Variants in PPP1R42 observed in about 807,000 individuals in gnomAD.
PPP1R42 encodes the protein leucine rich repeat containing 67.
A neutral mutation model predicts 31.0 loss-of-function variants in PPP1R42; 34 were observed. The observed-to-expected ratio is 1.10, with a 90% CI of 0.83 to 1.46. PPP1R42 has a LOEUF of 1.46. Ranked by LOEUF, PPP1R42 falls within the 40% of genes most tolerant of loss-of-function variation. The probability of loss-of-function intolerance (pLI) is 0.00; values close to 1 mark genes in which losing one functional copy is unlikely to be tolerated. For missense variants in PPP1R42, 268 were observed against 303.0 expected (o/e 0.88, Z 0.86); for synonymous variants, 103 against 109.8 (o/e 0.94, Z 0.39).
At chr8:66,985,371 A>G (rs1814977825) in intron 6 of PPP1R42, 1 of 754,424 alleles carries the variant, frequency 1.3e-6, no homozygotes, top group Non-Finnish European at 2.4e-6. Flanking sequence ...AAGAGGGAAC[A>G]GCACGAATAT....
At chr8:67,013,569 A>G (rs1405309450) in intron 3 of PPP1R42, among the ~76,000 whole-genome samples, 1 of 152,046 alleles carries the variant, frequency 6.6e-6, no homozygotes, top group Non-Finnish European at 1.5e-5. Context: ...TAAATAAGCA[A>G]GCCAGTCAGT....
intron 5 of PPP1R42, among the ~76,000 whole-genome samples, chr8:67,010,350 G>C (rs1815806435): frequency 6.6e-6 from 1 of 152,188 alleles, no homozygotes; most frequent in Non-Finnish European, 1.5e-5. Flanking sequence ...CCAAGAGAGA[G>C]TTCAGGTCTA....
intron 5 of PPP1R42, among the ~76,000 whole-genome samples, chr8:67,006,795 G>A (rs1815696689): frequency 7.3e-6 from 1 of 136,584 alleles, no homozygotes; most frequent in South Asian, 2.3e-4. Flanking sequence ...CGTCCAGGCT[G>A]GAATGCAGTG....
intron 6 of PPP1R42, chr8:66,984,046 A>G (rs1453159052): frequency 2.3e-6 from 3 of 1,289,794 alleles, no homozygotes; most frequent in African/African-American, 2.9e-5. Flanking sequence ...CTGAGATCAT[A>G]CAAGTGGGAG....
At chr8:66,986,188 T>A (rs1457128014) in intron 6 of PPP1R42, 15 of 589,430 alleles carry the variant, frequency 2.5e-5, no homozygotes, top group Non-Finnish European at 4.8e-5. Context: ...CTCACCCACC[T>A]TGGAGCCTCC....
intron 2 of PPP1R42, among the ~76,000 whole-genome samples, chr8:67,016,474 C>T (rs1013715656): frequency 4.6e-5 from 7 of 152,114 alleles, no homozygotes; most frequent in African/African-American, 1.7e-4. Context: ...CAAGAATTAC[C>T]TTAGTGCTGA....
intron 7 of PPP1R42, among the ~76,000 whole-genome samples, chr8:66,975,180 C>T (rs1814634698): frequency 6.6e-6 from 1 of 152,164 alleles, no homozygotes; most frequent in South Asian, 2.1e-4. Context: ...GCAGACATTG[C>T]AGAAGATGTC....
chr8:67,006,739 CTT>C (rs1183630078), intron 5 of PPP1R42, among the ~76,000 whole-genome samples: 47 of 70,528 alleles, frequency 6.7e-4, no homozygotes, highest in African/African-American at 2.8e-3. Context: ...AGGGTAGAGG[CTT>C]TTTTTTTTTT....
At chr8:66,981,235 G>A (rs191123947) in intron 7 of PPP1R42, among the ~76,000 whole-genome samples, 1 of 152,050 alleles carries the variant, frequency 6.6e-6, no homozygotes, top group African/African-American at 2.4e-5. Flanking sequence ...AAGGGAGGTT[G>A]GTATGTCGTT....
In PPP1R42 at chr8:66,970,885, G is replaced by A. The variant is rs780514117; in HGVS notation, c.803-6551C>T. On this transcript the variant is annotated intron_variant, in intron 7 of 7. Transcript: ENST00000685739. The stretch of plus-strand genomic sequence containing the variant: ...AAGGATTGAGAACAAAGAACTAGGA[G>A]ACAGATTGGATGGCCTCTGTTCCTC... 5.9e-4 allele frequency: 529 copies of A among 902,924 alleles called. 4 individuals are homozygous for A. Among genetic ancestry groups the A allele is most frequent in the Middle Eastern group, 4.2e-4 (2 of 4,712 alleles). The allele number at this position is 902,924 out of a possible 1,614,324, so 55.9% of individuals were successfully genotyped here.
chr8:66,992,480 C>T (rs913789731), intron 5 of PPP1R42, among the ~76,000 whole-genome samples: 3 of 152,110 alleles, frequency 2.0e-5, no homozygotes, highest in Non-Finnish European at 2.9e-5. Context: ...GCTGTAAGAA[C>T]ATCTATGCAG....
rs576725901 is a variant in PPP1R42, at chr8:66,978,602, G to A, written c.802+3447C>T. ...CTGGCTAACTTTTGTATTGTCAGTA[G>A]AGACAGGGTTTCACCATGTTGGCCA... On this transcript the variant is annotated intron_variant, in intron 7 of 7. Coordinates refer to ENST00000685739, the MANE Select transcript of PPP1R42 (RefSeq NM_001364910.1). Among the ~76,000 whole-genome samples, 11 of 152,276 alleles carry A rather than the reference G, an allele frequency of 7.2e-5. 1 individual carries two copies. The highest frequency in any genetic ancestry group is 2.2e-4 in the African/African-American group (9 of 41,568).
intron 2 of PPP1R42, among the ~76,000 whole-genome samples, chr8:67,016,269 A>G (rs1198816324): frequency 6.6e-6 from 1 of 152,222 alleles, no homozygotes; most frequent in Non-Finnish European, 1.5e-5. Flanking sequence ...TATTAAGTAC[A>G]TGAGTCAGGC....
At chr8:66,988,847 TA>T (rs1250693846) in intron 5 of PPP1R42, among the ~76,000 whole-genome samples, 2 of 152,148 alleles carry the variant, frequency 1.3e-5, no homozygotes, top group African/African-American at 4.8e-5. Context: ...CATAGAAGTT[TA>T]CAGATTAGGC....
chr8:67,007,387 T>C (rs72654927), intron 5 of PPP1R42, among the ~76,000 whole-genome samples: 6,716 of 152,142 alleles, frequency 0.044, 223 homozygotes, highest in East Asian at 0.077. Flanking sequence ...TGGATGCTCT[T>C]TTTTTCACTC....
intron 5 of PPP1R42, among the ~76,000 whole-genome samples, chr8:67,009,673 C>T (rs1160496798): frequency 6.6e-6 from 1 of 152,198 alleles, no homozygotes; most frequent in Non-Finnish European, 1.5e-5. Flanking sequence ...AGTTGTGCTT[C>T]CTAAGGTCTT....
chr8:67,001,532 C>A (rs931444239), intron 5 of PPP1R42, among the ~76,000 whole-genome samples: 1 of 151,272 alleles, frequency 6.6e-6, no homozygotes, highest in Non-Finnish European at 1.5e-5. Context: ...CTTTTCCTAT[C>A]CCCTACTTTT....
At chr8:66,965,496 G>A (rs1455273176) in intron 7 of PPP1R42, among the ~76,000 whole-genome samples, 1 of 150,720 alleles carries the variant, frequency 6.6e-6, no homozygotes, top group African/African-American at 2.4e-5. Context: ...GAGTGCAGTG[G>A]TGTGATCATA....
intron 5 of PPP1R42, among the ~76,000 whole-genome samples, chr8:66,989,014 A>G (rs1373026524): frequency 6.6e-6 from 1 of 152,122 alleles, no homozygotes; most frequent in African/African-American, 2.4e-5. Flanking sequence ...AGAAAGGGGG[A>G]AAAAATCATT....
Sources: gnomAD v4.1 joint callset for allele counts (sites outside exome capture counted in the v4.1 genomes callset) on GRCh38, gnomAD v4.1.1 for gene constraint, MANE v1.5 for transcripts, NCBI Gene and HGNC (gene_info 2026-07-23, HGNC 2026-07-21) for gene names.